The following SETX variants were observed in gnomAD, a reference collection of about 807,000 sequenced individuals.
The protein encoded by SETX is senataxin.
In SETX, 90 loss-of-function variants were observed where a neutral mutation model predicts 227.2. The ratio of observed to expected loss-of-function variants is 0.40; its 90% CI spans 0.33 to 0.47. SETX has a LOEUF of 0.47. Among genes scored for constraint, SETX ranks in the 20% least tolerant of loss-of-function variants. The probability of loss-of-function intolerance (pLI) is 0.91; values close to 1 mark genes in which losing one functional copy is unlikely to be tolerated. For synonymous variants in SETX, 1,210 were observed against 1,113.2 expected, an observed-to-expected ratio of 1.09 and a Z score of -1.73; for missense variants, 3,052 against 3,181.5, an observed-to-expected ratio of 0.96 and a Z score of 0.98.
At chr9:132,270,858 T>A (rs970241956) in intron 24 of SETX, among the ~76,000 whole-genome samples, 1 of 152,172 alleles carries the variant, frequency 6.6e-6, no homozygotes, top group Non-Finnish European at 1.5e-5. Flanking sequence ...AAATTTCAAA[T>A]TAGCTGGGAA....
At chr9:132,288,119 T>C (rs1589650260) in intron 17 of SETX, 117 bp downstream of exon 17, 3 of 778,858 alleles carry the variant, frequency 3.9e-6, no homozygotes, top group Middle Eastern at 2.6e-4. Context: ...GAGGCTGCAG[T>C]GAGTCAGGAT....
intron 11 of SETX, among the ~76,000 whole-genome samples, chr9:132,302,823 CAAT>C (rs1202294400): frequency 1.3e-5 from 2 of 151,360 alleles, no homozygotes; most frequent in East Asian, 3.9e-4. Context: ...TATAAAACAA[CAAT>C]AAGAGACTGT....
intron 10 of SETX, among the ~76,000 whole-genome samples, chr9:132,325,357 AAAAAAG>A (rs1179426943): frequency 7.3e-6 from 1 of 136,172 alleles, no homozygotes; most frequent in Non-Finnish European, 1.6e-5. Context: ...CTCGTCTCAA[AAAAAAG>A]AAAAAAGAAA....
intron 19 of SETX, among the ~76,000 whole-genome samples, chr9:132,282,299 A>ATTT (rs148335455): frequency 9.3e-5 from 13 of 139,608 alleles, no homozygotes; most frequent in African/African-American, 3.4e-4. Context: ...TTTTTAACTT[A>ATTT]TTTTTTTTTT....
In SETX at chr9:132,327,699, G is replaced by A; in HGVS notation, c.3899C>T (p.Ser1300Phe). The stretch of plus-strand genomic sequence containing the variant: ...AGCTACATAATCCAAAGACCGCTGG[G>A]ACAACTCATATGCCTTACGAGGACC... ...KKGPRKAYELSQRSLDYVAQL... is the reference protein window; with the variant it reads ...KKGPRKAYELFQRSLDYVAQL... Residue 1300 changes from serine to phenylalanine, a missense_variant, in exon 10 of 26, where the codon TCC becomes TTC. This residue lies in a region of SETX where 1,483 missense variants were observed against 1,312.0 expected (regional missense o/e 1.13). Coordinates refer to ENST00000224140, the MANE Select transcript of SETX (RefSeq NM_015046.7). 1 of 1,614,052 alleles carries A rather than the reference G, an allele frequency of 6.2e-7. No individual in the cohort carries two copies. The highest frequency in any genetic ancestry group is 8.5e-7 in the Non-Finnish European group (1 of 1,179,996).
At chr9:132,275,598 A>G (rs1001771651) in intron 22 of SETX, among the ~76,000 whole-genome samples, 178 bp from the exon 23 acceptor site, 1 of 152,244 alleles carries the variant, frequency 6.6e-6, no homozygotes. Context: ...AATATGGTAT[A>G]TATGAATAAA....
intron 19 of SETX, chr9:132,282,640 A>C (rs958092676): frequency 6.2e-6 from 1 of 160,370 alleles, no homozygotes; most frequent in Non-Finnish European, 1.4e-5. Context: ...AGGAGCGTCC[A>C]TGAGTGTGTT....
intron 11 of SETX, among the ~76,000 whole-genome samples, chr9:132,301,059 T>C (rs1476994046): frequency 1.3e-5 from 2 of 150,590 alleles, no homozygotes; most frequent in Admixed American, 6.6e-5. Flanking sequence ...AAGTAGCTAA[T>C]AAATTTTCTT....
intron 15 of SETX, among the ~76,000 whole-genome samples, chr9:132,293,415 T>A (rs1844459184): frequency 6.6e-6 from 1 of 152,154 alleles, no homozygotes; most frequent in Non-Finnish European, 1.5e-5. Context: ...GGATATCATT[T>A]GCTCTCTTAT....
chr9:132,344,183 G>A (rs1260406109), intron 4 of SETX, among the ~76,000 whole-genome samples: 2 of 152,140 alleles, frequency 1.3e-5, no homozygotes, highest in Non-Finnish European at 2.9e-5. Flanking sequence ...ATGTATGACT[G>A]GATCTGCACA....
At chr9:132,275,738 C>T (rs1843128682) in intron 22 of SETX, among the ~76,000 whole-genome samples, 1 of 152,130 alleles carries the variant, frequency 6.6e-6, no homozygotes, top group Admixed American at 6.5e-5. Flanking sequence ...ACAGGGAGAG[C>T]AGTATTAAGA....
intron 4 of SETX, among the ~76,000 whole-genome samples, chr9:132,344,816 A>C (rs1009629877): frequency 6.7e-6 from 1 of 150,370 alleles, no homozygotes; most frequent in African/African-American, 2.5e-5. Context: ...CAGAGGGTGC[A>C]GTGAGCCAAG....
At chr9:132,302,057 A>G (rs1231118273) in intron 11 of SETX, among the ~76,000 whole-genome samples, 2 of 152,188 alleles carry the variant, frequency 1.3e-5, no homozygotes, top group African/African-American at 2.4e-5. Flanking sequence ...CAATCCTAGT[A>G]AAAATACCAG....
chr9:132,309,546 C>T lies in SETX; in HGVS notation c.5374+2211G>A, dbSNP rs546218147. Among the ~76,000 whole-genome samples the T allele has an allele frequency of 7.6e-4, 116 of 152,122 alleles. 1 individual carries two copies. The highest frequency in any genetic ancestry group is 2.6e-3 in the African/African-American group (109 of 41,508). ...ACTCTTTTTTATAGAGCTTTAAAAA[C>T]GTAAAAACCAGCTGGGCGAGGTGGT... On this transcript the variant is annotated intron_variant, in intron 11 of 25. Transcript: ENST00000224140.
chr9:132,293,622 G>A (rs553461161), intron 15 of SETX, among the ~76,000 whole-genome samples: 1 of 152,080 alleles, frequency 6.6e-6, no homozygotes, highest in South Asian at 2.1e-4. Context: ...GTTTCACCAT[G>A]TTGGTCAGGC....
chr9:132,338,538 G>C (rs78585991), intron 5 of SETX, among the ~76,000 whole-genome samples: 103 of 152,232 alleles, frequency 6.8e-4, no homozygotes, highest in African/African-American at 2.4e-3. Flanking sequence ...AATAACTAGA[G>C]GTTTTGCAAA....
rs373968585 is a variant in SETX at position 132,311,737 on chromosome 9, T to C, written c.5374+20A>G. On this transcript the variant is annotated intron_variant, in intron 11 of 25. Coordinates refer to ENST00000224140, the MANE Select transcript of SETX (RefSeq NM_015046.7). ...CAATTATTATATCATATATTCCAAG[T>C]TGCGTAAGAAAAAACTTACCTGCAA... 49 of 1,496,952 alleles carry C rather than the reference T, an allele frequency of 3.3e-5. No homozygotes were observed. In the African/African-American group the frequency reaches 5.2e-4, roughly 16 times the overall value. 92.7% of individuals were successfully genotyped at this position (1,496,952 alleles called of 1,614,324 possible). A position where few individuals can be genotyped will look rare whatever the true frequency, so the allele number is the denominator to read the frequency against.
At position 132,349,511 on chromosome 9, in the gene SETX, A is replaced by G. The variant is rs187408726; in HGVS notation, c.-7-76T>C. ...GTGTGTCAAGAATAGGTACACTTTC[A>G]ACTTGTGACCCTGGTTTCAATTTAA... On this transcript the variant is annotated intron_variant, in intron 2 of 25. Transcript: ENST00000224140. The G allele has an allele frequency of 6.9e-5, 100 of 1,440,090 alleles. No individual in the cohort carries two copies. The Middle Eastern group carries it at 7.0e-4, about 10-fold the overall frequency. The allele number at this position is 1,440,090 out of a possible 1,614,324, so 89.2% of individuals were successfully genotyped here. A position where few individuals can be genotyped will look rare whatever the true frequency, so the allele number is the denominator to read the frequency against.
At chr9:132,324,508 G>A (rs1846579853) in intron 10 of SETX, among the ~76,000 whole-genome samples, 2 of 152,140 alleles carry the variant, frequency 1.3e-5, no homozygotes, top group African/African-American at 4.8e-5. Context: ...CACTCTGCCT[G>A]TAACATACTT....
Sources: gnomAD v4.1 joint callset for allele counts (sites outside exome capture counted in the v4.1 genomes callset) on GRCh38, gnomAD v4.1.1 for gene constraint, gnomAD v4.1.1 regional missense constraint, MANE v1.5 for transcripts, NCBI Gene and HGNC (gene_info 2026-07-23, HGNC 2026-07-21) for gene names.